Variants in GRIN2B observed in about 807,000 individuals in gnomAD.
GRIN2B encodes glutamate ionotropic receptor NMDA type subunit 2B.
Under a neutral mutation model 114.5 loss-of-function variants are expected in GRIN2B, and 5 were observed. That is an observed-to-expected ratio of 0.04 (90% CI 0.02 to 0.09). The LOEUF (loss-of-function observed/expected upper bound fraction) is 0.09. Among genes scored for constraint, GRIN2B ranks in the 10% least tolerant of loss-of-function variants. GRIN2B has a pLI of 1.00. For missense variants in GRIN2B, 1,108 were observed against 1,943.5 expected, an observed-to-expected ratio of 0.57 and a Z score of 8.08; for synonymous variants, 787 against 745.1, an observed-to-expected ratio of 1.06 and a Z score of -0.92.
chr12:13,612,639 C>T (rs1360607796), intron 8 of GRIN2B, among the ~76,000 whole-genome samples: 2 of 152,196 alleles, frequency 1.3e-5, no homozygotes. Context: ...AAGAATGTTC[C>T]ACATATGCTT....
At chr12:13,663,697 G>A (rs1046366528) in intron 5 of GRIN2B, among the ~76,000 whole-genome samples, 3 of 152,108 alleles carry the variant, frequency 2.0e-5, no homozygotes, top group African/African-American at 4.8e-5. Context: ...TTTATAACTA[G>A]GCACATCAAA....
chr12:13,768,278 C>G (rs1331022490), intron 3 of GRIN2B, among the ~76,000 whole-genome samples: 1 of 152,216 alleles, frequency 6.6e-6, no homozygotes, highest in Admixed American at 6.5e-5. Context: ...CATCTTGCAG[C>G]TGCCCAGTGC....
At chr12:13,941,482 G>C (rs1028752211) in intron 2 of GRIN2B, among the ~76,000 whole-genome samples, 1 of 152,182 alleles carries the variant, frequency 6.6e-6, no homozygotes, top group Non-Finnish European at 1.5e-5. Context: ...GGTGAGGAAC[G>C]GGATTGGGTG....
At chr12:13,824,018 T>C (rs1864985757) in intron 3 of GRIN2B, among the ~76,000 whole-genome samples, 1 of 152,196 alleles carries the variant, frequency 6.6e-6, no homozygotes, top group Non-Finnish European at 1.5e-5. Flanking sequence ...CCTTTTTATA[T>C]CTTGCTGGAT....
At chr12:13,968,560 C>T (rs1867826898) in intron 2 of GRIN2B, among the ~76,000 whole-genome samples, 1 of 152,180 alleles carries the variant, frequency 6.6e-6, no homozygotes. Flanking sequence ...CACCTTGCTT[C>T]AAATTACTGA....
intron 2 of GRIN2B, among the ~76,000 whole-genome samples, chr12:13,927,778 A>AC (rs1325909355): frequency 1.4e-5 from 2 of 148,004 alleles, no homozygotes; most frequent in African/African-American, 5.0e-5. Context: ...ACATAATGAG[A>AC]CCCCCATCTC....
intron 2 of GRIN2B, among the ~76,000 whole-genome samples, chr12:13,899,777 A>G (rs1866412161): frequency 1.4e-5 from 2 of 144,098 alleles, no homozygotes; most frequent in Non-Finnish European, 3.2e-5. Flanking sequence ...AGACGTAGCT[A>G]TGGCCATGCT....
intron 3 of GRIN2B, among the ~76,000 whole-genome samples, chr12:13,803,476 T>C (rs1261833199): frequency 6.6e-6 from 1 of 152,190 alleles, no homozygotes; most frequent in African/African-American, 2.4e-5. Flanking sequence ...CTAGTACCTA[T>C]GGAGATTAAA....
At chr12:13,569,477 CAAGAT>C (rs1214319209) in intron 12 of GRIN2B, among the ~76,000 whole-genome samples, 1 of 152,112 alleles carries the variant, frequency 6.6e-6, no homozygotes, top group African/African-American at 2.4e-5. Flanking sequence ...TATGCTTCTA[CAAGAT>C]AAGGAATGCC....
intron 3 of GRIN2B, among the ~76,000 whole-genome samples, chr12:13,761,794 A>T (rs1235448092): frequency 6.6e-6 from 1 of 152,228 alleles, no homozygotes; most frequent in African/African-American, 2.4e-5. Flanking sequence ...CAAGGGAAGA[A>T]GGCAGGAAAA....
chr12:13,944,831 G>A (rs1377441363), intron 2 of GRIN2B, among the ~76,000 whole-genome samples: 2 of 152,178 alleles, frequency 1.3e-5, no homozygotes, highest in Admixed American at 1.3e-4. Flanking sequence ...ATATGTCTCA[G>A]ACCATGACAG....
chr12:13,860,359 C>T (rs1388631914), intron 3 of GRIN2B, among the ~76,000 whole-genome samples: 3 of 152,134 alleles, frequency 2.0e-5, no homozygotes, highest in Non-Finnish European at 2.9e-5. Flanking sequence ...GACAGAGTCT[C>T]GCTCTGTCAC....
chr12:13,808,048 C>G (rs1864643812), intron 3 of GRIN2B, among the ~76,000 whole-genome samples: 1 of 152,118 alleles, frequency 6.6e-6, no homozygotes, highest in African/African-American at 2.4e-5. Context: ...CATCTGCTGC[C>G]TTTCTAAGGC....
intron 5 of GRIN2B, among the ~76,000 whole-genome samples, chr12:13,620,268 A>G (rs1469412617): frequency 6.6e-6 from 1 of 152,206 alleles, no homozygotes; most frequent in Admixed American, 6.5e-5. Flanking sequence ...GGTCTGAGGC[A>G]TGGGGAGCAA....
intron 4 of GRIN2B, among the ~76,000 whole-genome samples, chr12:13,724,276 A>G (rs61912098): frequency 0.12 from 18,623 of 152,192 alleles, 1,388 homozygotes; most frequent in Non-Finnish European, 0.17. Context: ...AATATCTAGG[A>G]GGAAATAGTT....
intron 11 of GRIN2B, among the ~76,000 whole-genome samples, 155 bp downstream of exon 11, chr12:13,571,649 A>G (rs1948710478): frequency 6.6e-6 from 1 of 152,228 alleles, no homozygotes; most frequent in Non-Finnish European, 1.5e-5. Context: ...AAATGATACG[A>G]TCAAATTTAA....
chr12:13,577,861 A>G (rs913763904), intron 10 of GRIN2B, among the ~76,000 whole-genome samples: 3 of 152,244 alleles, frequency 2.0e-5, no homozygotes, highest in African/African-American at 7.2e-5. Flanking sequence ...TCAGAAACAT[A>G]AACATTCATT....
Position 13,636,018 on chromosome 12 carries a change from G to C in GRIN2B, c.1126-19361C>G, listed in dbSNP as rs529767274. ...CAAATATATAGCAAAATATCAGCTA[G>C]AGAGAGCTATTGAGATAATTAAAGG... On this transcript the variant is annotated intron_variant, in intron 5 of 13. Transcript: ENST00000609686. Among the ~76,000 whole-genome samples, 6 of 152,324 alleles carry C rather than the reference G, an allele frequency of 3.9e-5. No homozygotes were observed. The East Asian group carries it at 5.8e-4, about 15-fold the overall frequency.
chr12:13,811,298 C>T (rs960676334), intron 3 of GRIN2B, among the ~76,000 whole-genome samples: 4 of 152,196 alleles, frequency 2.6e-5, no homozygotes, highest in East Asian at 1.9e-4. Context: ...ATGGCTCATG[C>T]CTGTAATCCC....
Sources: gnomAD v4.1 joint callset for allele counts (sites outside exome capture counted in the v4.1 genomes callset) on GRCh38, gnomAD v4.1.1 for gene constraint, MANE v1.5 for transcripts, NCBI Gene and HGNC (gene_info 2026-07-23, HGNC 2026-07-21) for gene names.